FAM149B1: variants seen among roughly 807,000 people sequenced by gnomAD.
The protein encoded by FAM149B1 is family with sequence similarity 149 member B1.
FAM149B1 carries 56 observed loss-of-function variants against 75.3 expected under a neutral mutation model. That is an observed-to-expected ratio of 0.74 (90% CI 0.60 to 0.93). FAM149B1 has a LOEUF of 0.93. FAM149B1 is among the 40% of genes least tolerant of loss of function. The pLI is 0.00. For synonymous variants in FAM149B1, 259 were observed against 256.1 expected (o/e 1.01, Z -0.11); for missense variants, 639 against 708.4 (o/e 0.90, Z 1.11).
chr10:73,178,103 T>A, intron 3 of FAM149B1, 128 bp downstream of exon 3: 2 of 990,244 alleles, frequency 2.0e-6, no homozygotes, highest in Non-Finnish European at 2.9e-6. Context: ...TCATAATAAC[T>A]GTAAAGAAGT....
intron 9 of FAM149B1, among the ~76,000 whole-genome samples, chr10:73,232,171 C>T (rs1291171396): frequency 6.6e-6 from 1 of 152,074 alleles, no homozygotes; most frequent in East Asian, 1.9e-4. Flanking sequence ...TGTGCGGATA[C>T]TCTTAGATGT....
At chr10:73,231,904 TAGAA>T (rs1305797852) in intron 9 of FAM149B1, among the ~76,000 whole-genome samples, 5 of 149,712 alleles carry the variant, frequency 3.3e-5, no homozygotes, top group African/African-American at 1.2e-4. Context: ...ATTTTGTAAT[TAGAA>T]AGCAGTTAGG....
At chr10:73,231,958 G>C (rs2043713558) in intron 9 of FAM149B1, among the ~76,000 whole-genome samples, 1 of 151,254 alleles carries the variant, frequency 6.6e-6, no homozygotes, top group African/African-American at 2.4e-5. Flanking sequence ...TGAATTGCTA[G>C]AGAGGCAGGA....
chr10:73,240,437 G>A (rs1425624893), intron 13 of FAM149B1, among the ~76,000 whole-genome samples: 1 of 152,178 alleles, frequency 6.6e-6, no homozygotes, highest in Non-Finnish European at 1.5e-5. Context: ...AACTGGCTGG[G>A]CGTGGTGGCT....
intron 3 of FAM149B1, among the ~76,000 whole-genome samples, chr10:73,180,602 T>C (rs1284555225): frequency 6.6e-6 from 1 of 152,226 alleles, no homozygotes. Flanking sequence ...CTAACAGGTT[T>C]TTAAAATATA....
intron 1 of FAM149B1, among the ~76,000 whole-genome samples, chr10:73,173,763 A>C (rs548180425): frequency 7.9e-5 from 12 of 152,268 alleles, no homozygotes; most frequent in African/African-American, 2.6e-4. Context: ...CCTTTTTCTT[A>C]AATTTTTTCG....
chr10:73,198,755 AGTTCGCACCATTGCACTCCAGCCT>A (rs1438652434), intron 5 of FAM149B1, among the ~76,000 whole-genome samples: 2 of 152,190 alleles, frequency 1.3e-5, no homozygotes, highest in African/African-American at 2.4e-5. Context: ...CAGTGAGTCG[AGTTCGCACCATTGCACTCCAGCCT>A]GGGCGGCAAG....
rs1418046517 is a variant in FAM149B1, at chr10:73,168,176, G to A, written c.-164G>A. The A allele has an allele frequency of 1.4e-6, 1 of 692,124 alleles. No individual in the cohort carries two copies. The highest frequency in any genetic ancestry group is 2.9e-5 in the East Asian group (1 of 34,094). The allele number at this position is 692,124 out of a possible 1,614,324, so 42.9% of individuals were successfully genotyped here. ...GAGGACTGGAGAGGTGGGGACCCTG[G>A]GGAGGTGGCTGCTCGGAGTCTAGGT... On this transcript the variant is annotated 5_prime_UTR_variant, in exon 1 of 14. Transcript: ENST00000242505.
At position 73,210,204 on chromosome 10, in the gene FAM149B1, C is replaced by A. The variant is rs149561923; in HGVS notation, c.711-47C>A. 15 of 1,327,868 alleles carry A rather than the reference C, an allele frequency of 1.1e-5. No homozygotes were observed. The Admixed American group carries it at 3.2e-4, about 29-fold the overall frequency. The allele number at this position is 1,327,868 out of a possible 1,614,324, so 82.3% of individuals were successfully genotyped here. A position where few individuals can be genotyped will look rare whatever the true frequency, so the allele number is the denominator to read the frequency against. On this transcript the variant is annotated intron_variant, in intron 6 of 13. Transcript: ENST00000242505. ...TACACAGACAATTTTAGAAAGGCAG[C>A]CTTCCCTTCAGCATCATGAAGTCTT...
chr10:73,209,318 C>T (rs556476393), intron 6 of FAM149B1, among the ~76,000 whole-genome samples: 1 of 151,970 alleles, frequency 6.6e-6, no homozygotes, highest in South Asian at 2.1e-4. Context: ...CATGGTGATG[C>T]GTGCCTCTAA....
intron 5 of FAM149B1, among the ~76,000 whole-genome samples, chr10:73,194,616 G>T (rs970761247): frequency 6.7e-6 from 1 of 148,360 alleles, no homozygotes; most frequent in African/African-American, 2.5e-5. Flanking sequence ...ACCCGCCTCA[G>T]CCTCCCAAAG....
chr10:73,216,284 T>A (rs1448943074), intron 7 of FAM149B1, among the ~76,000 whole-genome samples: 3 of 152,236 alleles, frequency 2.0e-5, no homozygotes, highest in African/African-American at 7.2e-5. Flanking sequence ...AGTTTTTGTG[T>A]CTTTATGGGT....
At chr10:73,200,348 A>G (rs2042904006) in intron 5 of FAM149B1, 1 of 497,214 alleles carries the variant, frequency 2.0e-6, no homozygotes, top group Non-Finnish European at 4.0e-6. Flanking sequence ...AAAACAAAAC[A>G]AAACAAAAAA....
chr10:73,173,604 C>A (rs1054392844), intron 1 of FAM149B1, among the ~76,000 whole-genome samples: 8 of 152,142 alleles, frequency 5.3e-5, no homozygotes, highest in African/African-American at 1.9e-4. Context: ...GGGGTATTGA[C>A]CCCCTGTACA....
At chr10:73,237,556 A>G (rs1000063595) in intron 12 of FAM149B1, among the ~76,000 whole-genome samples, 1 of 151,918 alleles carries the variant, frequency 6.6e-6, no homozygotes, top group Admixed American at 6.6e-5. Context: ...AGTAGCTGGG[A>G]CTACAGGCAC....
In FAM149B1 at chr10:73,221,687, T is replaced by C. The variant is rs368375065; in HGVS notation, c.899-6373T>C. 1.6e-4 allele frequency among the ~76,000 whole-genome samples: 24 copies of C among 152,324 alleles called. 1 individual carries two copies. In the East Asian group the frequency reaches 4.6e-3, roughly 29 times the overall value. On this transcript the variant is annotated intron_variant, in intron 7 of 13. Transcript: ENST00000242505. Reference sequence around the variant, plus strand: ...TAGATTTGTAGGTTTGTTTTCATTGTTTGGAAAGCTTTCAGCCATTATTTC... The same window carrying C: ...TAGATTTGTAGGTTTGTTTTCATTGCTTGGAAAGCTTTCAGCCATTATTTC...
At chr10:73,207,640 A>G (rs2043097735) in intron 5 of FAM149B1, among the ~76,000 whole-genome samples, 1 of 152,194 alleles carries the variant, frequency 6.6e-6, no homozygotes, top group Non-Finnish European at 1.5e-5. Context: ...CAACCTTGGG[A>G]GCTGAACCCT....
chr10:73,243,925 T>C lies in FAM149B1; in HGVS notation c.*2906T>C. ...CATTTCTGCTTCTTTGGCCTCTTCC[T>C]GAGCCTGAAACAGGAACTCACATGA... is the stretch of plus-strand genomic sequence containing the variant. On this transcript the variant is annotated 3_prime_UTR_variant, in exon 14 of 14. Transcript: ENST00000242505. 3 of 1,614,058 alleles carry C rather than the reference T, an allele frequency of 1.9e-6. No homozygotes were observed. The highest frequency in any genetic ancestry group is 1.7e-6 in the Non-Finnish European group (2 of 1,179,982).
intron 7 of FAM149B1, among the ~76,000 whole-genome samples, chr10:73,218,965 G>A (rs749853067): frequency 3.3e-5 from 5 of 152,116 alleles, no homozygotes; most frequent in African/African-American, 1.2e-4. Flanking sequence ...CGAGACTACA[G>A]GAGACCATTT....
Sources: allele counts gnomAD v4.1 joint callset (sites outside exome capture counted in the v4.1 genomes callset), GRCh38; gene constraint gnomAD v4.1.1; transcripts MANE v1.5; gene names NCBI Gene and HGNC (gene_info 2026-07-23, HGNC 2026-07-21).